Variants in RTN3 observed in about 807,000 individuals in gnomAD.
RTN3 encodes the protein reticulon 3.
Under a neutral mutation model 77.8 loss-of-function variants are expected in RTN3, and 49 were observed. The ratio of observed to expected loss-of-function variants is 0.63; its 90% CI spans 0.50 to 0.80. The LOEUF (loss-of-function observed/expected upper bound fraction) is 0.80. Among genes scored for constraint, RTN3 ranks in the 30% least tolerant of loss-of-function variants. The probability of loss-of-function intolerance (pLI) is 0.00; values close to 1 mark genes in which losing one functional copy is unlikely to be tolerated. For missense variants in RTN3, 1,236 were observed against 1,211.9 expected (o/e 1.02, Z -0.29); for synonymous variants, 464 against 446.9 (o/e 1.04, Z -0.48).
At chr11:63,701,958 A>G (rs934722910) in intron 1 of RTN3, among the ~76,000 whole-genome samples, 3 of 152,096 alleles carry the variant, frequency 2.0e-5, no homozygotes, top group African/African-American at 7.2e-5. Flanking sequence ...AAATAAGGAA[A>G]GGACAATTTT....
intron 1 of RTN3, among the ~76,000 whole-genome samples, chr11:63,697,830 G>GA (rs1942043342): frequency 6.6e-6 from 1 of 152,014 alleles, no homozygotes. Flanking sequence ...CTTTGTTCCA[G>GA]AAAAAATTGT....
intron 3 of RTN3, among the ~76,000 whole-genome samples, chr11:63,721,589 AAAG>A (rs1198512027): frequency 1.3e-5 from 2 of 151,876 alleles, no homozygotes; most frequent in Non-Finnish European, 2.9e-5. Context: ...AAAAAAAAAA[AAAG>A]AAAATTTTTT....
chr11:63,699,058 T>C (rs778489423), intron 1 of RTN3, among the ~76,000 whole-genome samples: 6 of 152,086 alleles, frequency 3.9e-5, no homozygotes, highest in Non-Finnish European at 5.9e-5. Flanking sequence ...GAGGCCAAGG[T>C]GGGCGGGTCA....
intron 1 of RTN3, among the ~76,000 whole-genome samples, chr11:63,702,254 T>C (rs1942271852): frequency 1.3e-5 from 2 of 152,034 alleles, no homozygotes; most frequent in Non-Finnish European, 2.9e-5. Flanking sequence ...GAAAAAGTCA[T>C]TTTATGTTCT....
intron 3 of RTN3, among the ~76,000 whole-genome samples, chr11:63,732,467 T>C (rs547401439): frequency 6.6e-6 from 1 of 151,828 alleles, no homozygotes; most frequent in Non-Finnish European, 1.5e-5. Flanking sequence ...GAGCCACTTT[T>C]GGCCAAAATT....
rs1334992195 is a variant in RTN3, at chr11:63,759,796, C to A, written c.*1595C>A. 1 of 149,784 alleles carries A rather than the reference C, an allele frequency of 6.7e-6. No individual in the cohort carries two copies. The highest frequency in any genetic ancestry group is 1.5e-5 in the Non-Finnish European group (1 of 67,670). 9.3% of individuals were successfully genotyped at this position (149,784 alleles called of 1,614,324 possible). ...TGTGTGTACGTGTCTGTGCGTGCAACATAAAAATACAGTAGCACCTAAGGA... is the reference window on the plus strand; with the variant it reads ...TGTGTGTACGTGTCTGTGCGTGCAAAATAAAAATACAGTAGCACCTAAGGA... On this transcript the variant is annotated 3_prime_UTR_variant, in exon 9 of 9. Coordinates refer to ENST00000377819, the MANE Select transcript of RTN3 (RefSeq NM_001265589.2).
chr11:63,751,566 T>C (rs1393813951), intron 4 of RTN3, among the ~76,000 whole-genome samples: 1 of 152,174 alleles, frequency 6.6e-6, no homozygotes, highest in Non-Finnish European at 1.5e-5. Context: ...AGGCTCTTTT[T>C]TCATAGAGAA....
chr11:63,684,897 T>A (rs1216086129), intron 1 of RTN3, among the ~76,000 whole-genome samples: 2 of 151,546 alleles, frequency 1.3e-5, no homozygotes, highest in Non-Finnish European at 2.9e-5. Flanking sequence ...GTAGGTGGGA[T>A]TACAGACATG....
intron 2 of RTN3, among the ~76,000 whole-genome samples, chr11:63,711,399 T>C (rs2011157593): frequency 6.7e-6 from 1 of 150,364 alleles, no homozygotes; most frequent in South Asian, 2.1e-4. Context: ...TTTTTTGTTA[T>C]TTTTTTTTGA....
In RTN3 at chr11:63,681,687, C is replaced by T. The variant is rs142892358; in HGVS notation, c.51C>T (p.Ser17=). 136 of 1,611,646 alleles carry T rather than the reference C, an allele frequency of 8.4e-5. No homozygotes were observed. Among genetic ancestry groups the T allele is most frequent in the Middle Eastern group, 3.3e-4 (2 of 6,042 alleles). Residue 17 remains serine, a synonymous_variant, in exon 1 of 9, where the codon TCC becomes TCT. Coordinates refer to ENST00000377819, the MANE Select transcript of RTN3 (RefSeq NM_001265589.2). ...AGTCCCATTCCATCTCCTCGTCGTCCTTCGGAGCCGAGCCGTCCGCGCCCG... is the reference window on the plus strand; with the variant it reads ...AGTCCCATTCCATCTCCTCGTCGTCTTTCGGAGCCGAGCCGTCCGCGCCCG... ...ATQSHSISSS[S]FGAEPSAPGG...
chr11:63,713,160 C>T (rs2011213674), intron 2 of RTN3, among the ~76,000 whole-genome samples: 1 of 152,086 alleles, frequency 6.6e-6, no homozygotes, highest in African/African-American at 2.4e-5. Flanking sequence ...TGACTACCAA[C>T]TTAATTTCTT....
At chr11:63,689,660 A>G (rs554999729) in intron 1 of RTN3, among the ~76,000 whole-genome samples, 3 of 150,796 alleles carry the variant, frequency 2.0e-5, no homozygotes, top group Middle Eastern at 3.2e-3. Context: ...CTGATTTATT[A>G]TCTCCTATAA....
intron 3 of RTN3, among the ~76,000 whole-genome samples, chr11:63,737,791 TGA>T (rs751855552): frequency 7.9e-5 from 12 of 152,206 alleles, no homozygotes; most frequent in Admixed American, 3.3e-4. Flanking sequence ...CTATTTTTTC[TGA>T]GAGTGTGAGA....
At chr11:63,751,963 A>G (rs1249518990) in intron 4 of RTN3, among the ~76,000 whole-genome samples, 1 of 152,100 alleles carries the variant, frequency 6.6e-6, no homozygotes, top group Non-Finnish European at 1.5e-5. Flanking sequence ...TTGCACTCCA[A>G]CCTGGGCAAC....
intron 2 of RTN3, among the ~76,000 whole-genome samples, chr11:63,711,738 A>G (rs189733022): frequency 1.8e-4 from 28 of 152,082 alleles, no homozygotes; most frequent in Non-Finnish European, 3.4e-4. Flanking sequence ...CTAGTTTTGT[A>G]TTTTTAGTAG....
At position 63,746,966 on chromosome 11, in the gene RTN3, CTT is replaced by C. The variant is rs1212090800; in HGVS notation, c.2531-3023_2531-3022del. The C allele has an allele frequency of 5.5e-5, 25 of 456,028 alleles. No individual in the cohort carries two copies. The East Asian group carries it at 1.5e-3, about 28-fold the overall frequency. The allele number at this position is 456,028 out of a possible 1,614,324, so 28.2% of individuals were successfully genotyped here. On this transcript the variant is annotated intron_variant, in intron 3 of 8. Coordinates refer to ENST00000377819, the MANE Select transcript of RTN3 (RefSeq NM_001265589.2). ...TTCCAGAGTCCAGTCTAGGATCACA[CTT>C]TGTGCCTCATCCTGTCTCCTTACTC...
intron 3 of RTN3, among the ~76,000 whole-genome samples, chr11:63,724,201 G>C (rs1414020879): frequency 2.0e-4 from 1 of 5,018 alleles, no homozygotes; most frequent in African/African-American, 9.5e-4. Context: ...TTTTTTTTTT[G>C]AGACAGAGTC....
intron 3 of RTN3, among the ~76,000 whole-genome samples, chr11:63,745,880 G>C (rs967923639): frequency 6.6e-6 from 1 of 152,148 alleles, no homozygotes; most frequent in Non-Finnish European, 1.5e-5. Flanking sequence ...GTGCGATCTC[G>C]GCTCACTGCC....
chr11:63,684,184 T>C (rs1278014006), intron 1 of RTN3, among the ~76,000 whole-genome samples: 1 of 134,826 alleles, frequency 7.4e-6, no homozygotes. Context: ...AGTCTCGCTT[T>C]GTCGCCCAGG....
Sources: allele counts gnomAD v4.1 joint callset (sites outside exome capture counted in the v4.1 genomes callset), GRCh38; gene constraint gnomAD v4.1.1; transcripts MANE v1.5; gene names NCBI Gene and HGNC (gene_info 2026-07-23, HGNC 2026-07-21).